The following UMODL1 variants were observed in gnomAD, a reference collection of about 807,000 sequenced individuals.
UMODL1 encodes uromodulin like 1.
Under a neutral mutation model 136.3 loss-of-function variants are expected in UMODL1, and 128 were observed. The observed-to-expected ratio is 0.94, with a 90% CI of 0.81 to 1.09. UMODL1 has a LOEUF of 1.09. Among genes scored for constraint, UMODL1 ranks in the 50% least tolerant of loss-of-function variants. The pLI is 0.00. For missense variants in UMODL1, 1,766 were observed against 1,725.6 expected (o/e 1.02, Z -0.41); for synonymous variants, 721 against 720.0 (o/e 1.00, Z -0.02).
intron 5 of UMODL1, 85 bp from the exon 6 acceptor site, chr21:42,090,213 C>T: frequency 1.3e-6 from 2 of 1,574,442 alleles, no homozygotes; most frequent in South Asian, 1.2e-5. Flanking sequence ...GGCACGAGTC[C>T]ACAGAGGCCG....
chr21:42,112,363 T>G (rs1046095391), intron 12 of UMODL1, among the ~76,000 whole-genome samples: 1 of 147,818 alleles, frequency 6.8e-6, no homozygotes, highest in African/African-American at 2.6e-5. Flanking sequence ...GATTCTGCAT[T>G]TCCCCAGCTG....
rs939016130 is a variant in UMODL1, at chr21:42,123,177, A to G, written c.3147+27A>G. Reference sequence around the variant, plus strand: ...TAAGACCAGGAGAGCCAGGCTCAGGATGTACACTAGGGCGCAAGGGGCTCT... The same window carrying G: ...TAAGACCAGGAGAGCCAGGCTCAGGGTGTACACTAGGGCGCAAGGGGCTCT... On this transcript the variant is annotated intron_variant, in intron 17 of 22. Coordinates refer to ENST00000408910, the MANE Select transcript of UMODL1 (RefSeq NM_001004416.3). The surrounding 1 kb of genome is among the most constrained non-coding windows in gnomAD (Gnocchi z 4.4). 1 of 1,592,602 alleles carries G rather than the reference A, an allele frequency of 6.3e-7. No individual in the cohort carries two copies. Among genetic ancestry groups the G allele is most frequent in the Non-Finnish European group, 8.6e-7 (1 of 1,166,914 alleles).
intron 16 of UMODL1, 138 bp downstream of exon 16, chr21:42,121,362 GGTGCACGTGTGTGTGTGTGTGT>G: frequency 1.0e-6 from 1 of 964,918 alleles, no homozygotes. Context: ...GTGTGATGTG[GGTGCACGTGTGTGTGTGTGTGT>G]GTGATGTATG....
rs550522669 is a variant in UMODL1, at chr21:42,084,601, G to A, written c.481+356G>A. On this transcript the variant is annotated intron_variant, in intron 3 of 22. Coordinates refer to ENST00000408910, the MANE Select transcript of UMODL1 (RefSeq NM_001004416.3). ...GCCTGCAGTGCCACAGGGGCCTGAC[G>A]AGCGCCACAGCACCCGTAGGCAGGC... is the stretch of plus-strand genomic sequence containing the variant. Among the ~76,000 whole-genome samples, 42 of 152,220 alleles carry A rather than the reference G, an allele frequency of 2.8e-4. No individual in the cohort carries two copies. In the East Asian group the frequency reaches 7.5e-3, roughly 27 times the overall value.
chr21:42,113,701 G>A lies in UMODL1; in HGVS notation c.2233G>A (p.Val745Met), dbSNP rs746161677. Residue 745 changes from valine (V) to methionine (M), a missense_variant, in exon 13 of 23, where the codon GTG (valine) becomes ATG (methionine). Val to Met is a conservative substitution (Grantham distance 21). Coordinates refer to ENST00000408910, the MANE Select transcript of UMODL1 (RefSeq NM_001004416.3). Reference protein sequence around the residue: ...LTLTSMWSPAVVLETWNTSVT... With the variant: ...LTLTSMWSPAMVLETWNTSVT... ...TCTGACTTCCATGTGGAGCCCTGCT[G>A]TGGTCCTAGAGACCTGGAACACGAG... The A allele has an allele frequency of 8.7e-6, 14 of 1,614,098 alleles. No individual in the cohort carries two copies. The highest frequency in any genetic ancestry group is 1.2e-5 in the Non-Finnish European group (14 of 1,180,022).
chr21:42,114,379 C>G (rs1172536541), intron 13 of UMODL1, among the ~76,000 whole-genome samples: 2 of 152,254 alleles, frequency 1.3e-5, no homozygotes, highest in Non-Finnish European at 2.9e-5. Context: ...TTCCTCTTTT[C>G]TTTTCATTAG....
At chr21:42,075,813 C>G (rs544318779) in intron 1 of UMODL1, among the ~76,000 whole-genome samples, 192 bp from the exon 2 acceptor site, 1 of 152,282 alleles carries the variant, frequency 6.6e-6, no homozygotes, top group Non-Finnish European at 1.5e-5. Context: ...TGTGCTCACT[C>G]ATGCAACAGC....
upstream of UMODL1, among the ~76,000 whole-genome samples, chr21:42,069,229 A>AACACACACACACACACACACACACACAC (rs61712292): frequency 8.1e-5 from 11 of 136,304 alleles, no homozygotes; most frequent in South Asian, 2.5e-4. Context: ...CACAGACAGA[A>AACACACACACACACACACACACACACAC]ACACACACAC....
intron 9 of UMODL1, 105 bp from the exon 10 acceptor site, chr21:42,109,457 T>C: frequency 6.6e-7 from 1 of 1,518,652 alleles, no homozygotes; most frequent in Non-Finnish European, 8.9e-7. Flanking sequence ...CTCCCGGCCG[T>C]TCACTGCAAA....
chr21:42,137,435 CGA>C lies in UMODL1; in HGVS notation c.3776-2_3776-1del. 1 of 1,613,984 alleles carries C rather than the reference CGA, an allele frequency of 6.2e-7. No individual in the cohort carries two copies. Among genetic ancestry groups the C allele is most frequent in the Admixed American group, 1.7e-5 (1 of 60,028 alleles). On this transcript the variant is annotated splice_acceptor_variant and splice_polypyrimidine_tract_variant and intron_variant, in intron 21 of 22. Transcript: ENST00000408910. LOFTEE classifies it high-confidence loss of function. ...CTCTCACCTGTGCCTGTCTCCTCCC[CGA>C]GGTGAGCCTCCTCATGCAGAAGCAG...
rs767267815 is a variant in UMODL1 at position 42,126,419 on chromosome 21, G to A, written c.3222G>A (p.Lys1074=). ...AGGAGGGCATCATCCACCACCTGAA[G>A]ATCCTGAGCCCCATCTACTGCGCCT... ...LSQEGIIHHL[K]ILSPIYCAFQ... The change falls in exon 18 of 23, where the codon AAG becomes AAA. Residue 1074 remains lysine, a synonymous_variant. Transcript: ENST00000408910. 1.2e-6 allele frequency: 2 copies of A among 1,614,226 alleles called. No individual in the cohort carries two copies. Among genetic ancestry groups the A allele is most frequent in the Non-Finnish European group, 1.7e-6 (2 of 1,180,030 alleles).
At chr21:42,127,556 C>G (rs1418859603) in intron 19 of UMODL1, 116 bp from the exon 20 acceptor site, 6 of 1,265,248 alleles carry the variant, frequency 4.7e-6, no homozygotes, top group Non-Finnish European at 5.3e-6. Flanking sequence ...CCTCGACTTC[C>G]ACGGAGCCTG....
At chr21:42,126,208 G>A (rs1184901716) in intron 17 of UMODL1, 137 bp from the exon 18 acceptor site, 7 of 1,312,228 alleles carry the variant, frequency 5.3e-6, no homozygotes, top group South Asian at 3.0e-5. Context: ...TGGGAGAATC[G>A]CCAGGATCTC....
intron 10 of UMODL1, among the ~76,000 whole-genome samples, chr21:42,109,924 C>T (rs1448510666): frequency 6.6e-6 from 1 of 152,256 alleles, no homozygotes; most frequent in East Asian, 1.9e-4. Context: ...TTACACTCAT[C>T]TCTATCTAAA....
In UMODL1 at chr21:42,075,249, G is replaced by GC. The variant is rs1555917902; in HGVS notation, c.77-756_77-755insC. ...AATATTTTTGCTGGAGATGGGGGGG[G>GC]GGTTTCACCATGTTGGCCGGGCTGG... On this transcript the variant is annotated intron_variant, in intron 1 of 22. Transcript: ENST00000408910. Among the ~76,000 whole-genome samples the GC allele has an allele frequency of 6.3e-3, 954 of 151,926 alleles. 7 individuals are homozygous for GC. Among genetic ancestry groups the GC allele is most frequent in the African/African-American group, 0.022 (892 of 41,388 alleles).
chr21:42,092,398 T>TG (rs1555921991), intron 6 of UMODL1, among the ~76,000 whole-genome samples: 1 of 151,806 alleles, frequency 6.6e-6, no homozygotes, highest in Non-Finnish European at 1.5e-5. Context: ...TTTTTGTTTT[T>TG]TTTTTTAAAC....
chr21:42,084,651 CT>C (rs2066404421), intron 3 of UMODL1, among the ~76,000 whole-genome samples: 2 of 152,070 alleles, frequency 1.3e-5, no homozygotes, highest in South Asian at 4.2e-4. Context: ...TATGCGCCTG[CT>C]GGTCTGGAAA....
At chr21:42,063,624 C>A (rs1053990787) in intron 1 of UMODL1, among the ~76,000 whole-genome samples, 5 of 152,226 alleles carry the variant, frequency 3.3e-5, no homozygotes, top group African/African-American at 1.2e-4. Flanking sequence ...GCAGTGGAAA[C>A]CTCTGGCCTC....
chr21:42,075,395 A>G lies in UMODL1; in HGVS notation c.77-610A>G, dbSNP rs553147011. On this transcript the variant is annotated intron_variant, in intron 1 of 22. Transcript: ENST00000408910. ...TTTATCATCAACAAACTTCTCACAC[A>G]CTTGCCACAGAGCGACCGCACTCCA... Among the ~76,000 whole-genome samples the G allele has an allele frequency of 7.9e-5, 12 of 152,186 alleles. No individual in the cohort carries two copies. In the South Asian group the frequency reaches 1.9e-3, roughly 24 times the overall value.
Sources: gnomAD v4.1 joint callset for allele counts (sites outside exome capture counted in the v4.1 genomes callset) on GRCh38, gnomAD v4.1.1 for gene constraint, Gnocchi (gnomAD v3.1) non-coding constraint, MANE v1.5 for transcripts, NCBI Gene and HGNC (gene_info 2026-07-23, HGNC 2026-07-21) for gene names.